Variants in SNX19 observed in about 807,000 individuals in gnomAD.
The protein encoded by SNX19 is sorting nexin 19, also known as sorting nexin-19.
Under a neutral mutation model 85.2 loss-of-function variants are expected in SNX19, and 60 were observed. The ratio of observed to expected loss-of-function variants is 0.70; its 90% confidence interval spans 0.57 to 0.87. SNX19 has a LOEUF of 0.87. SNX19 is among the 40% of genes least tolerant of loss of function. SNX19 has a pLI of 0.00. For synonymous variants in SNX19, 520 were observed against 470.0 expected (o/e 1.11, Z -1.38); for missense variants, 1,201 against 1,217.8 (o/e 0.99, Z 0.21).
intron 8 of SNX19, chr11:130,881,216 T>C (rs1269846951): frequency 6.5e-6 from 1 of 154,330 alleles, no homozygotes; most frequent in Non-Finnish European, 1.4e-5. Flanking sequence ...CAGACTAAGA[T>C]ACCATGAATT....
Position 130,878,419 on chromosome 11 carries a change from C to G in SNX19, c.*3G>C, listed in dbSNP as rs1294926970. On this transcript the variant is annotated 3_prime_UTR_variant, in exon 11 of 11. Coordinates refer to ENST00000265909, the MANE Select transcript of SNX19 (RefSeq NM_014758.3). ...GACCTGGGAAGAAGGCGTGAATAAC[C>G]AGCTAAGAGGAGACACCCATCCTCT... The G allele has an allele frequency of 6.2e-7, 1 of 1,612,150 alleles. No individual in the cohort carries two copies.
At chr11:130,889,553 G>A (rs1395067764) in intron 8 of SNX19, among the ~76,000 whole-genome samples, 1 of 152,020 alleles carries the variant, frequency 6.6e-6, no homozygotes. Flanking sequence ...CTTCAGGCGT[G>A]AATTTTAAGT....
chr11:130,914,975 GA>G lies in SNX19; in HGVS notation c.964del (p.Ser322LeufsTer15), dbSNP rs764189577. On this transcript the variant is annotated frameshift_variant, in exon 1 of 11. Coordinates refer to ENST00000265909, the MANE Select transcript of SNX19 (RefSeq NM_014758.3). LOFTEE classifies it high-confidence loss of function. ...TTCAACCTCTGGAGAGGGGCCTGCA[GA>G]ACCCTCTGGCTCACTGTAACTTAGG... is the stretch of plus-strand genomic sequence containing the variant. Reference protein sequence around the residue: ...VFLSYSEPEGSAGPSPEVEEG... With the variant: ...VFLSYSEPEGXAGPSPEVEEG... 1.0e-4 allele frequency: 165 copies of G among 1,614,008 alleles called. No individual in the cohort carries two copies. Among genetic ancestry groups the G allele is most frequent in the Non-Finnish European group, 1.3e-4 (159 of 1,180,002 alleles).
In SNX19 at chr11:130,906,059, T is replaced by C. The variant is rs375274749; in HGVS notation, c.2337A>G (p.Pro779=). 5.0e-6 allele frequency: 8 copies of C among 1,614,102 alleles called. No individual in the cohort carries two copies. The African/African-American group carries it at 6.7e-5, about 13-fold the overall frequency. Residue 779 remains proline, a synonymous_variant, in exon 7 of 11, where the codon CCA becomes CCG. Coordinates refer to ENST00000265909, the MANE Select transcript of SNX19 (RefSeq NM_014758.3). ...EKQTKLLEMQ[P]TKAPEKDPEQ... is the part of the protein sequence containing the mutation. ...CAGGATCTTTTTCTGGGGCTTTTGT[T>C]GGCTGCATTTCCAGTAACTTTGTCT...
intron 8 of SNX19, among the ~76,000 whole-genome samples, chr11:130,889,103 G>A (rs1350559392): frequency 6.6e-6 from 1 of 152,108 alleles, no homozygotes; most frequent in East Asian, 1.9e-4. Context: ...ACGTGTATGT[G>A]TTTTTCACCT....
intron 8 of SNX19, among the ~76,000 whole-genome samples, chr11:130,897,085 C>T (rs1211075803): frequency 6.6e-6 from 1 of 152,148 alleles, no homozygotes; most frequent in Non-Finnish European, 1.5e-5. Context: ...TGCCGCAGCT[C>T]TCCTGACCTT....
At chr11:130,905,717 C>T in intron 7 of SNX19, 4 of 1,535,018 alleles carry the variant, frequency 2.6e-6, no homozygotes, top group Non-Finnish European at 3.5e-6. Context: ...TGATCTCATC[C>T]TGCTGGATTA....
At chr11:130,913,311 G>A (rs1946289481) in intron 1 of SNX19, among the ~76,000 whole-genome samples, 1 of 152,188 alleles carries the variant, frequency 6.6e-6, no homozygotes, top group Non-Finnish European at 1.5e-5. Context: ...AGTCCTTTGA[G>A]GCTAGTCTCA....
chr11:130,906,408 C>A (rs1231398666), intron 6 of SNX19, among the ~76,000 whole-genome samples: 1 of 152,142 alleles, frequency 6.6e-6, no homozygotes, highest in Non-Finnish European at 1.5e-5. Flanking sequence ...TTATCCGAAA[C>A]CCACCATGGT....
At chr11:130,886,911 C>CCACA (rs765828113) in intron 8 of SNX19, among the ~76,000 whole-genome samples, 6 of 152,172 alleles carry the variant, frequency 3.9e-5, no homozygotes, top group Non-Finnish European at 7.3e-5. Flanking sequence ...TGCCCTCTGA[C>CCACA]TGTGTATCTA....
At chr11:130,891,286 G>C (rs969880715) in intron 8 of SNX19, among the ~76,000 whole-genome samples, 1 of 152,154 alleles carries the variant, frequency 6.6e-6, no homozygotes, top group Admixed American at 6.5e-5. Flanking sequence ...GTTGTAACGG[G>C]TATGCTAGGT....
In SNX19 at chr11:130,871,680, C is replaced by T. The variant is rs972031095; in HGVS notation, c.*6742G>A. Among the ~76,000 whole-genome samples the T allele has an allele frequency of 2.0e-5, 3 of 152,148 alleles. No homozygotes were observed. The highest frequency in any genetic ancestry group is 6.5e-5 in the Admixed American group (1 of 15,268). ...GTCGACATTTGAGTCCTTTTGTCTG[C>T]AATCAGGGAGTTCTGTGTTTATCTA... On this transcript the variant is annotated 3_prime_UTR_variant, in exon 11 of 11. Coordinates refer to ENST00000265909, the MANE Select transcript of SNX19 (RefSeq NM_014758.3).
At chr11:130,896,608 G>A (rs1944893251) in intron 8 of SNX19, among the ~76,000 whole-genome samples, 2 of 152,166 alleles carry the variant, frequency 1.3e-5, no homozygotes, top group African/African-American at 2.4e-5. Context: ...CTGAGGCCAG[G>A]ATGACTTAAG....
At position 130,915,624 on chromosome 11, in the gene SNX19, T is replaced by C. The variant is rs750066762; in HGVS notation, c.316A>G (p.Ile106Val). 1.9e-5 allele frequency: 30 copies of C among 1,614,256 alleles called. No homozygotes were observed. The highest frequency in any genetic ancestry group is 2.5e-5 in the Non-Finnish European group (30 of 1,180,048). The stretch of plus-strand genomic sequence containing the variant: ...ACAAAATCTCGAATAATCATCTGGA[T>C]GGTGCGGTTGATCTCCCGTTCCAGC... ...RQLEREINRTIQMIIRDFVLS... is the reference protein window; with the variant it reads ...RQLEREINRTVQMIIRDFVLS... The change falls in exon 1 of 11, where the codon ATC becomes GTC. Residue 106 changes from isoleucine (I) to valine (V), a missense_variant. Around this residue, in one of 3 missense-constraint regions of SNX19, gnomAD observed 791 missense variants for 750.9 expected, o/e 1.05. Coordinates refer to ENST00000265909, the MANE Select transcript of SNX19 (RefSeq NM_014758.3).
Position 130,885,938 on chromosome 11 carries a change from T to A in SNX19, c.2574-5132A>T, listed in dbSNP as rs187273870. Among the ~76,000 whole-genome samples the A allele has an allele frequency of 2.0e-5, 3 of 152,326 alleles. No individual in the cohort carries two copies. The East Asian group carries it at 5.8e-4, about 29-fold the overall frequency. The stretch of plus-strand genomic sequence containing the variant: ...ACTACTGATATTTTGGACTGCGAAA[T>A]CTTTGTCATAGGGGCTTTCCTGTGC... On this transcript the variant is annotated intron_variant, in intron 8 of 10. Transcript: ENST00000265909.
intron 8 of SNX19, chr11:130,895,097 G>T (rs1944786630): frequency 8.1e-6 from 8 of 985,466 alleles, no homozygotes; most frequent in Non-Finnish European, 9.6e-6. Flanking sequence ...TGCTTCCAGA[G>T]AGGGCAGGCT....
Position 130,915,232 on chromosome 11 carries a change from A to G in SNX19, c.708T>C (p.His236=). The G allele has an allele frequency of 3.1e-6, 5 of 1,614,230 alleles. No homozygotes were observed. Among genetic ancestry groups the G allele is most frequent in the Non-Finnish European group, 4.2e-6 (5 of 1,180,048 alleles). The change falls in exon 1 of 11, where the codon CAT becomes CAC. Residue 236 remains histidine, a synonymous_variant. Transcript: ENST00000265909. ...KPHLETRTGR[H]VVVELITCNV... ...TGCATGTGATGAGTTCGACCACTAC[A>G]TGGCGTCCGGTACGAGTCTCCAAGT...
At chr11:130,897,071 A>G (rs1944925819) in intron 8 of SNX19, among the ~76,000 whole-genome samples, 2 of 151,950 alleles carry the variant, frequency 1.3e-5, no homozygotes, top group African/African-American at 4.8e-5. Context: ...GTGCTCCCAG[A>G]CTCTGCCGCA....
At position 130,880,730 on chromosome 11, in the gene SNX19, T is replaced by C; in HGVS notation, c.2650A>G (p.Ile884Val). The C allele has an allele frequency of 1.1e-5, 17 of 1,612,354 alleles. No homozygotes were observed. The highest frequency in any genetic ancestry group is 1.7e-5 in the Admixed American group (1 of 59,980). Residue 884 changes from isoleucine to valine, a missense_variant, in exon 9 of 11, where the codon ATC becomes GTC. Transcript: ENST00000265909. ...TTAGGCAAAACTCCACCAGGCCAGA[T>C]GGACTCCTGAAGAAGCAGGAGGTAC... ...VQYLLLLQES[I>V]WPGGVLPKFP...
Sources: allele counts gnomAD v4.1 joint callset (sites outside exome capture counted in the v4.1 genomes callset), GRCh38; gene constraint gnomAD v4.1.1; regional missense constraint gnomAD v4.1.1; transcripts MANE v1.5; gene names NCBI Gene and HGNC (gene_info 2026-07-23, HGNC 2026-07-21).